The following B4GALNT3 variants were observed in gnomAD, a reference collection of about 807,000 sequenced individuals.
B4GALNT3 encodes the protein beta-1,4-N-acetylgalactosaminyltransferase 3.
Under a neutral mutation model 120.2 loss-of-function variants are expected in B4GALNT3, and 86 were observed. The ratio of observed to expected loss-of-function variants is 0.72; its 90% confidence interval spans 0.60 to 0.86. The LOEUF is 0.86. B4GALNT3 is among the 40% of genes least tolerant of loss of function. The pLI, the probability that B4GALNT3 is intolerant of heterozygous loss-of-function variation, is 0.00. For missense variants in B4GALNT3, 1,167 were observed against 1,298.9 expected (o/e 0.90, Z 1.56); for synonymous variants, 518 against 510.4 (o/e 1.01, Z -0.20).
In B4GALNT3 at chr12:558,611, C is replaced by G; in HGVS notation, c.2711C>G (p.Ala904Gly). 6.2e-7 allele frequency: 1 copy of G among 1,614,060 alleles called. No homozygotes were observed. The highest frequency in any genetic ancestry group is 2.2e-5 in the East Asian group (1 of 44,868). The change falls in exon 18 of 20, where the codon GCC becomes GGC. Residue 904 changes from alanine to glycine, a missense_variant. This residue lies in a region of B4GALNT3 where 983 missense variants were observed against 1,102.5 expected (regional missense o/e 0.89). Coordinates refer to ENST00000266383, the MANE Select transcript of B4GALNT3 (RefSeq NM_173593.4). ...TGTGTGGAGGGAAAGATGGCCTTTGCCCCCATGGTGATGAGGCTGCATTGT... is the reference window on the plus strand; with the variant it reads ...TGTGTGGAGGGAAAGATGGCCTTTGGCCCCATGGTGATGAGGCTGCATTGT... ...KHCVEGKMAF[A>G]PMVMRLHCGA...
At chr12:490,340 A>G (rs1946328796) in intron 1 of B4GALNT3, among the ~76,000 whole-genome samples, 1 of 152,238 alleles carries the variant, frequency 6.6e-6, no homozygotes, top group African/African-American at 2.4e-5. Context: ...AAGATTGATA[A>G]GCCTCTAAGC....
chr12:553,103 C>A, intron 13 of B4GALNT3, 91 bp from the exon 14 acceptor site: 7 of 1,526,388 alleles, frequency 4.6e-6, no homozygotes, highest in Non-Finnish European at 6.2e-6. Context: ...CCCCATGGTG[C>A]GTCACACGTA....
At chr12:526,025 A>G (rs1244588798) in intron 1 of B4GALNT3, among the ~76,000 whole-genome samples, 1 of 152,208 alleles carries the variant, frequency 6.6e-6, no homozygotes, top group African/African-American at 2.4e-5. Flanking sequence ...CCTGATGTCT[A>G]ATGAGTGTCT....
chr12:501,668 C>T (rs935451950), intron 1 of B4GALNT3, among the ~76,000 whole-genome samples: 6 of 152,192 alleles, frequency 3.9e-5, no homozygotes, highest in African/African-American at 9.7e-5. Context: ...TCCCAAAAGT[C>T]GGTGGTGCCC....
chr12:555,997 C>A (rs7309427), intron 14 of B4GALNT3, among the ~76,000 whole-genome samples: 30,765 of 150,104 alleles, frequency 0.2, 5,395 homozygotes, highest in African/African-American at 0.48. Context: ...ATTAGCCAGG[C>A]TGGTCTTGAT....
intron 1 of B4GALNT3, among the ~76,000 whole-genome samples, chr12:499,715 G>A (rs1193814875): frequency 6.6e-6 from 1 of 152,240 alleles, no homozygotes; most frequent in Non-Finnish European, 1.5e-5. Context: ...GTCCTAGCCC[G>A]TGGTAGGCAC....
chr12:544,217 G>T, intron 3 of B4GALNT3, 122 bp from the exon 4 acceptor site: 1 of 830,728 alleles, frequency 1.2e-6, no homozygotes, highest in Non-Finnish European at 1.9e-6. Context: ...GGCATGGGGT[G>T]CTCATCCTCC....
intron 1 of B4GALNT3, among the ~76,000 whole-genome samples, chr12:487,829 G>A (rs995063022): frequency 2.6e-5 from 4 of 151,578 alleles, no homozygotes; most frequent in Admixed American, 6.6e-5. Flanking sequence ...ATGGTGACAT[G>A]CGCCCAGCTA....
At chr12:491,778 G>A (rs947775745) in intron 1 of B4GALNT3, among the ~76,000 whole-genome samples, 17 of 152,130 alleles carry the variant, frequency 1.1e-4, no homozygotes, top group Middle Eastern at 3.4e-3. Flanking sequence ...GCAATAGGCC[G>A]GGTGCGGTGG....
intron 1 of B4GALNT3, among the ~76,000 whole-genome samples, chr12:501,450 G>A (rs11063297): frequency 0.22 from 33,050 of 151,890 alleles, 4,753 homozygotes; most frequent in African/African-American, 0.36. Flanking sequence ...GTGTGGTGGC[G>A]CACACCTGTT....
At chr12:496,779 T>G (rs1446127998) in intron 1 of B4GALNT3, among the ~76,000 whole-genome samples, 1 of 152,250 alleles carries the variant, frequency 6.6e-6, no homozygotes, top group Non-Finnish European at 1.5e-5. Flanking sequence ...CTATTCTGCC[T>G]TCTGCGTCTG....
intron 14 of B4GALNT3, chr12:555,321 T>C (rs1008867227): frequency 6.6e-6 from 3 of 456,546 alleles, no homozygotes; most frequent in African/African-American, 4.0e-5. Flanking sequence ...GGACATCTTA[T>C]GCAAATGGAA....
chr12:558,410 C>T lies in B4GALNT3; in HGVS notation c.2608-98C>T, dbSNP rs955224331. The T allele has an allele frequency of 1.9e-5, 23 of 1,189,870 alleles. No individual in the cohort carries two copies. The Admixed American group carries it at 1.9e-4, about 10-fold the overall frequency. The allele number at this position is 1,189,870 out of a possible 1,614,324, so 73.7% of individuals were successfully genotyped here. ...TGGTTTTGTGGGAGTTTGTGAATCA[C>T]TCCAATAGGGAAGACTCCGAGGCTT... On this transcript the variant is annotated intron_variant, in intron 17 of 19. Coordinates refer to ENST00000266383, the MANE Select transcript of B4GALNT3 (RefSeq NM_173593.4).
chr12:495,406 G>C (rs990166244), intron 1 of B4GALNT3, among the ~76,000 whole-genome samples: 3 of 152,028 alleles, frequency 2.0e-5, no homozygotes, highest in African/African-American at 7.3e-5. Context: ...GTAAACCTTA[G>C]TTCAGCTGAT....
intron 3 of B4GALNT3, chr12:543,306 G>A (rs1946941710): frequency 3.2e-6 from 3 of 932,320 alleles, no homozygotes; most frequent in African/African-American, 1.7e-5. Context: ...CAGCCTCCCG[G>A]AGCTGAGGAG....
At position 511,322 on chromosome 12, in the gene B4GALNT3, C is replaced by G. The variant is rs1270097501; in HGVS notation, c.170-23844C>G. Among the ~76,000 whole-genome samples, 506 of 99,984 alleles carry G rather than the reference C, an allele frequency of 5.1e-3. 76 individuals are homozygous for G. The highest frequency in any genetic ancestry group is 0.018 in the African/African-American group (453 of 24,528). 65.6% of individuals were successfully genotyped at this position (99,984 alleles called of 152,430 possible). ...TCCACCTTCCACCTTCCGCCTTCTG[C>G]CTTCCACCTTCCACCTTCCTTCCAC... On this transcript the variant is annotated intron_variant, in intron 1 of 19. Transcript: ENST00000266383.
At chr12:560,739 G>A (rs557918068) in intron 19 of B4GALNT3, among the ~76,000 whole-genome samples, 57 of 152,290 alleles carry the variant, frequency 3.7e-4, no homozygotes, top group Admixed American at 5.2e-4. Flanking sequence ...TGCCATGCAC[G>A]GCTCCTGTAC....
chr12:482,540 T>C (rs571771858), intron 1 of B4GALNT3, among the ~76,000 whole-genome samples: 31 of 152,286 alleles, frequency 2.0e-4, no homozygotes, highest in Admixed American at 1.7e-3. Context: ...CCAATAAAGA[T>C]CAATATTTGG....
chr12:513,103 C>T (rs959498328), intron 1 of B4GALNT3, among the ~76,000 whole-genome samples: 1 of 146,108 alleles, frequency 6.8e-6, no homozygotes, highest in African/African-American at 2.6e-5. Context: ...CCGCCTTCCA[C>T]CTTCTGCCTT....
Sources: gnomAD v4.1 joint callset for allele counts (sites outside exome capture counted in the v4.1 genomes callset) on GRCh38, gnomAD v4.1.1 for gene constraint, gnomAD v4.1.1 regional missense constraint, MANE v1.5 for transcripts, NCBI Gene and HGNC (gene_info 2026-07-23, HGNC 2026-07-21) for gene names.